The following RANBP9 variants were observed in gnomAD, a reference collection of about 807,000 sequenced individuals.
RANBP9 encodes RAN binding protein 9, also known as ran-binding protein 9.
Under a neutral mutation model 84.3 loss-of-function variants are expected in RANBP9, and 15 were observed. That is an observed-to-expected ratio of 0.18 (90% confidence interval 0.12 to 0.27). The LOEUF (loss-of-function observed/expected upper bound fraction) is 0.27, where lower values mean the gene tolerates loss of function less well. Ranked by LOEUF, RANBP9 falls within the 10% of genes least tolerant of loss-of-function variation. RANBP9 has a pLI of 1.00. For missense variants in RANBP9, 809 were observed against 912.8 expected (o/e 0.89, Z 1.46); for synonymous variants, 392 against 349.6 (o/e 1.12, Z -1.35).
chr6:13,653,929 T>G (rs144848755), intron 4 of RANBP9, among the ~76,000 whole-genome samples: 1 of 151,966 alleles, frequency 6.6e-6, no homozygotes, highest in East Asian at 1.9e-4. Context: ...AATAAAAAAC[T>G]TTCCCAAAAA....
rs572709092 is a variant in RANBP9, at chr6:13,633,145, C to T, written c.1796-624G>A. The stretch of plus-strand genomic sequence containing the variant: ...TGCCTCCCAGGTTCAAGCAATTCTC[C>T]TGCCTCAGCCTCCTGAGTAGCTGGG... On this transcript the variant is annotated intron_variant, in intron 11 of 13. Transcript: ENST00000011619. Among the ~76,000 whole-genome samples the T allele has an allele frequency of 7.2e-5, 11 of 152,172 alleles. No individual in the cohort carries two copies. The East Asian group carries it at 1.5e-3, about 21-fold the overall frequency.
intron 4 of RANBP9, among the ~76,000 whole-genome samples, chr6:13,656,300 A>C (rs934851341): frequency 6.6e-6 from 1 of 152,146 alleles, no homozygotes; most frequent in Admixed American, 6.5e-5. Flanking sequence ...CATTAAAAAT[A>C]ATTTGCTTTG....
At chr6:13,631,209 ACAG>A (rs1764771761) in intron 12 of RANBP9, among the ~76,000 whole-genome samples, 1 of 152,180 alleles carries the variant, frequency 6.6e-6, no homozygotes. Flanking sequence ...ACCACTAGAA[ACAG>A]CAGTTTTTAT....
At chr6:13,700,487 AGTAG>A (rs16724) in intron 1 of RANBP9, among the ~76,000 whole-genome samples, 61,450 of 150,926 alleles carry the variant, frequency 0.41, 12,849 homozygotes, top group Admixed American at 0.5. Context: ...TCTTAGCCTG[AGTAG>A]GTAGGTCCTA....
At chr6:13,687,311 A>T (rs899012213) in intron 2 of RANBP9, among the ~76,000 whole-genome samples, 1 of 152,024 alleles carries the variant, frequency 6.6e-6, no homozygotes, top group Non-Finnish European at 1.5e-5. Flanking sequence ...CACTGTTCTC[A>T]TCATCATCTT....
intron 2 of RANBP9, among the ~76,000 whole-genome samples, chr6:13,690,150 C>T (rs988367639): frequency 6.6e-6 from 1 of 152,202 alleles, no homozygotes; most frequent in African/African-American, 2.4e-5. Context: ...GCAGGGACCA[C>T]ATTCAGTTCA....
chr6:13,672,836 G>A (rs1222023266), intron 2 of RANBP9, among the ~76,000 whole-genome samples: 4 of 150,370 alleles, frequency 2.7e-5, no homozygotes, highest in African/African-American at 4.9e-5. Context: ...TGCCTTTGAC[G>A]AGCAATCAGC....
intron 12 of RANBP9, among the ~76,000 whole-genome samples, chr6:13,630,200 G>T (rs1324722335): frequency 1.3e-5 from 2 of 152,094 alleles, no homozygotes; most frequent in Admixed American, 1.3e-4. Context: ...GATGGAAGCA[G>T]CTCAGAGTAT....
intron 5 of RANBP9, among the ~76,000 whole-genome samples, chr6:13,649,954 T>C (rs1765259685): frequency 6.6e-6 from 1 of 152,206 alleles, no homozygotes; most frequent in African/African-American, 2.4e-5. Context: ...CATTAGCCAA[T>C]TCTCTTGGTT....
intron 2 of RANBP9, among the ~76,000 whole-genome samples, chr6:13,676,579 A>G (rs1054003184): frequency 6.6e-6 from 1 of 152,086 alleles, no homozygotes; most frequent in African/African-American, 2.4e-5. Context: ...ATCAAATCCA[A>G]CAAGGTATAC....
intron 12 of RANBP9, 24 bp from the exon 13 acceptor site, chr6:13,625,788 T>A (rs1386737692): frequency 1.7e-5 from 25 of 1,492,302 alleles, no homozygotes; most frequent in African/African-American, 2.8e-5. Flanking sequence ...ATCGATTTGG[T>A]TTTAATTCAA....
intron 2 of RANBP9, among the ~76,000 whole-genome samples, chr6:13,686,112 C>A (rs1584942563): frequency 5.0e-4 from 1 of 1,996 alleles, no homozygotes; most frequent in Non-Finnish European, 8.4e-4. Context: ...CCCCCCCCCC[C>A]CCCGCCCCCC....
intron 2 of RANBP9, among the ~76,000 whole-genome samples, chr6:13,693,817 C>A (rs1341855230): frequency 1.3e-5 from 2 of 151,880 alleles, no homozygotes; most frequent in East Asian, 3.9e-4. Context: ...CTGAGGCAGG[C>A]GGATCATTTG....
chr6:13,697,696 CAAT>C, intron 1 of RANBP9, among the ~76,000 whole-genome samples: 1 of 152,004 alleles, frequency 6.6e-6, no homozygotes, highest in Admixed American at 6.5e-5. Context: ...AGCATGTAGA[CAAT>C]ATTAAGAGAA....
At chr6:13,654,565 G>A (rs566241622) in intron 4 of RANBP9, among the ~76,000 whole-genome samples, 77 of 152,302 alleles carry the variant, frequency 5.1e-4, no homozygotes, top group Non-Finnish European at 9.3e-4. Context: ...ATATTTAACA[G>A]TATTTTATCT....
intron 2 of RANBP9, among the ~76,000 whole-genome samples, chr6:13,683,666 T>C (rs768175859): frequency 6.6e-6 from 1 of 152,124 alleles, no homozygotes; most frequent in Non-Finnish European, 1.5e-5. Context: ...TAGGATTGTA[T>C]ATGCTTTTAA....
chr6:13,656,503 C>CTA (rs1203553084), intron 4 of RANBP9, among the ~76,000 whole-genome samples: 1 of 152,044 alleles, frequency 6.6e-6, no homozygotes, highest in African/African-American at 2.4e-5. Context: ...TCTTAACTTA[C>CTA]TATTAGTCTT....
chr6:13,651,425 T>C (rs566672740), intron 5 of RANBP9, among the ~76,000 whole-genome samples: 1 of 151,392 alleles, frequency 6.6e-6, no homozygotes, highest in South Asian at 2.1e-4. Flanking sequence ...GACAGAGGCT[T>C]GCTCTGTCAC....
chr6:13,672,696 C>T (rs1765801979), intron 2 of RANBP9, among the ~76,000 whole-genome samples: 1 of 151,868 alleles, frequency 6.6e-6, no homozygotes, highest in Admixed American at 6.6e-5. Context: ...AGCATCGAAA[C>T]CAAACTCAGA....
Sources: gnomAD v4.1 joint callset for allele counts (sites outside exome capture counted in the v4.1 genomes callset) on GRCh38, gnomAD v4.1.1 for gene constraint, MANE v1.5 for transcripts, NCBI Gene and HGNC (gene_info 2026-07-23, HGNC 2026-07-21) for gene names.